ANO10: variants seen among roughly 807,000 people sequenced by gnomAD.
ANO10 encodes anoctamin-10.
In ANO10, 77 loss-of-function variants were observed where a neutral mutation model predicts 74.7. That is an observed-to-expected ratio of 1.03 (90% CI 0.86 to 1.25). The LOEUF (loss-of-function observed/expected upper bound fraction) is 1.25, where lower values mean the gene tolerates loss of function less well. Ranked by LOEUF, ANO10 falls within the 50% of genes most tolerant of loss-of-function variation. The pLI, the probability that ANO10 is intolerant of heterozygous loss-of-function variation, is 0.00. For synonymous variants in ANO10, 279 were observed against 284.9 expected (o/e 0.98, Z 0.21); for missense variants, 721 against 778.1 (o/e 0.93, Z 0.87).
At chr3:43,400,400 A>G (rs562282827) in intron 12 of ANO10, among the ~76,000 whole-genome samples, 1 of 151,988 alleles carries the variant, frequency 6.6e-6, no homozygotes, top group Non-Finnish European at 1.5e-5. Flanking sequence ...TACATAGAGA[A>G]AGTCGACTGG....
chr3:43,605,821 G>C lies in ANO10; in HGVS notation c.32C>G (p.Ser11Cys). ...CACCAAAGGTGTGAAAGAACTCTCA[G>C]AAGTATCCAAAGCTGATAAGGTCAC... MKVTLSALDTSESSFTPLVVI... is the reference protein window; with the variant it reads MKVTLSALDTCESSFTPLVVI... Residue 11 changes from serine (S) to cysteine (C), a missense_variant, in exon 2 of 13, where the codon TCT (serine) becomes TGT (cysteine). Transcript: ENST00000292246. 3 of 1,613,732 alleles carry C rather than the reference G, an allele frequency of 1.9e-6. No homozygotes were observed. Among genetic ancestry groups the C allele is most frequent in the Non-Finnish European group, 2.5e-6 (3 of 1,179,776 alleles).
rs998676816 is a variant in ANO10, at chr3:43,386,843, C to T, written c.1915-19869G>A. Reference sequence around the variant, plus strand: ...GAAAGGGGGTTCAACCTGGAGAAAGCCGCCTATGAGTAAGGGTGGGGCTTT... The same window carrying T: ...GAAAGGGGGTTCAACCTGGAGAAAGTCGCCTATGAGTAAGGGTGGGGCTTT... On this transcript the variant is annotated intron_variant, in intron 12 of 12. Coordinates refer to ENST00000292246, the MANE Select transcript of ANO10 (RefSeq NM_018075.5). Among the ~76,000 whole-genome samples, 13 of 152,172 alleles carry T rather than the reference C, an allele frequency of 8.5e-5. 1 individual carries two copies. The highest frequency in any genetic ancestry group is 7.8e-4 in the East Asian group (4 of 5,158).
chr3:43,688,509 C>T (rs558651628), intron 1 of ANO10, among the ~76,000 whole-genome samples: 1 of 152,238 alleles, frequency 6.6e-6, no homozygotes, highest in Admixed American at 6.5e-5. Context: ...ATCTATTGTT[C>T]CTTGTATAAG....
At chr3:43,669,754 T>G (rs1055499192) in intron 1 of ANO10, among the ~76,000 whole-genome samples, 3 of 151,850 alleles carry the variant, frequency 2.0e-5, no homozygotes, top group Admixed American at 6.6e-5. Flanking sequence ...AGAAATGGAG[T>G]TTTTGCTCAT....
intron 11 of ANO10, among the ~76,000 whole-genome samples, chr3:43,515,213 G>T (rs1458227741): frequency 6.6e-6 from 1 of 152,134 alleles, no homozygotes; most frequent in East Asian, 1.9e-4. Flanking sequence ...ATTATTTCTG[G>T]CTGTGTCTAT....
At chr3:43,513,816 C>T (rs2077604202) in intron 11 of ANO10, among the ~76,000 whole-genome samples, 2 of 152,056 alleles carry the variant, frequency 1.3e-5, no homozygotes, top group Admixed American at 1.3e-4. Flanking sequence ...CAGCCACACA[C>T]TTCTATGATT....
At chr3:43,546,594 T>C (rs1475929003) in intron 11 of ANO10, among the ~76,000 whole-genome samples, 4 of 150,282 alleles carry the variant, frequency 2.7e-5, no homozygotes, top group African/African-American at 9.8e-5. Context: ...ATACAAGTTA[T>C]AAAAACAACC....
At chr3:43,616,618 A>G (rs2083121191) in intron 1 of ANO10, among the ~76,000 whole-genome samples, 2 of 152,214 alleles carry the variant, frequency 1.3e-5, no homozygotes, top group Admixed American at 1.3e-4. Context: ...GCTCCAGGAC[A>G]TAAGATGCTC....
intron 12 of ANO10, among the ~76,000 whole-genome samples, chr3:43,415,443 T>C (rs2092723677): frequency 6.6e-6 from 1 of 152,166 alleles, no homozygotes; most frequent in Non-Finnish European, 1.5e-5. Context: ...CTGGTGGATT[T>C]TGATTATGTC....
chr3:43,535,807 C>T (rs1358016134), intron 11 of ANO10, among the ~76,000 whole-genome samples: 1 of 152,126 alleles, frequency 6.6e-6, no homozygotes, highest in Non-Finnish European at 1.5e-5. Flanking sequence ...AAACTAGTAA[C>T]TATGATATCA....
At chr3:43,489,729 G>T (rs2076645669) in intron 11 of ANO10, among the ~76,000 whole-genome samples, 1 of 151,956 alleles carries the variant, frequency 6.6e-6, no homozygotes, top group Admixed American at 6.6e-5. Context: ...GTGCATGGCA[G>T]AAAAAAATAT....
chr3:43,552,595 G>T (rs1398857814), intron 10 of ANO10, among the ~76,000 whole-genome samples: 2 of 150,758 alleles, frequency 1.3e-5, no homozygotes, highest in Non-Finnish European at 3.0e-5. Context: ...ACTTCCTATA[G>T]CTATTCTCTT....
chr3:43,459,094 A>C (rs1210720239), intron 11 of ANO10, among the ~76,000 whole-genome samples: 1 of 152,202 alleles, frequency 6.6e-6, no homozygotes, highest in Non-Finnish European at 1.5e-5. Context: ...TAATGCCATT[A>C]GGTGGGCTCT....
chr3:43,549,632 C>G, intron 11 of ANO10, 88 bp downstream of exon 11: 1 of 1,447,040 alleles, frequency 6.9e-7, no homozygotes, highest in Non-Finnish European at 9.7e-7. Flanking sequence ...GCTCAATTGT[C>G]AGTCATGGAC....
chr3:43,522,203 AG>A (rs1167283881), intron 11 of ANO10, among the ~76,000 whole-genome samples: 8 of 152,080 alleles, frequency 5.3e-5, no homozygotes, highest in African/African-American at 1.4e-4. Context: ...GTAATGAAAA[AG>A]TTTTGGAAAT....
At chr3:43,659,500 G>T (rs1234127727) in intron 1 of ANO10, among the ~76,000 whole-genome samples, 1 of 152,184 alleles carries the variant, frequency 6.6e-6, no homozygotes, top group Non-Finnish European at 1.5e-5. Context: ...AGCTTGGTGG[G>T]GGGAGGGGCA....
chr3:43,501,989 A>G (rs538697096), intron 11 of ANO10, among the ~76,000 whole-genome samples: 1 of 152,342 alleles, frequency 6.6e-6, no homozygotes, highest in South Asian at 2.1e-4. Context: ...GCTACTATAA[A>G]CAAACAAAAC....
intron 12 of ANO10, among the ~76,000 whole-genome samples, chr3:43,383,371 G>A (rs759556249): frequency 2.2e-4 from 33 of 150,500 alleles, no homozygotes; most frequent in Non-Finnish European, 3.8e-4. Flanking sequence ...GGAGAATGGC[G>A]TGAACATGGA....
Position 43,365,861 on chromosome 3 carries a change from T to C in ANO10, c.*1045A>G, listed in dbSNP as rs2091399530. On this transcript the variant is annotated 3_prime_UTR_variant, in exon 13 of 13. Coordinates refer to ENST00000292246, the MANE Select transcript of ANO10 (RefSeq NM_018075.5). Reference sequence around the variant, plus strand: ...CCTTCTCCGGGTGGGCCAGGGCATCTGCTGCTGTCCGAGTGGAGGTGCCCA... The same window carrying C: ...CCTTCTCCGGGTGGGCCAGGGCATCCGCTGCTGTCCGAGTGGAGGTGCCCA... 6.6e-6 allele frequency: 1 copy of C among 152,340 alleles called. No individual in the cohort carries two copies. The highest frequency in any genetic ancestry group is 6.5e-5 in the Admixed American group (1 of 15,284). The allele number at this position is 152,340 out of a possible 1,614,324, so 9.4% of individuals were successfully genotyped here. A position where few individuals can be genotyped will look rare whatever the true frequency, so the allele number is the denominator to read the frequency against.
Sources: gnomAD v4.1 joint callset for allele counts (sites outside exome capture counted in the v4.1 genomes callset) on GRCh38, gnomAD v4.1.1 for gene constraint, MANE v1.5 for transcripts, NCBI Gene and HGNC (gene_info 2026-07-23, HGNC 2026-07-21) for gene names.